The following BNC2 variants were observed in gnomAD, a reference collection of about 807,000 sequenced individuals.
BNC2 encodes basonuclin zinc finger protein 2, also known as zinc finger protein basonuclin-2.
A neutral mutation model predicts 76.3 loss-of-function variants in BNC2; 20 were observed. That is an observed-to-expected ratio of 0.26 (90% CI 0.18 to 0.38). BNC2 has a LOEUF of 0.38. Ranked by LOEUF, BNC2 falls within the 10% of genes least tolerant of loss-of-function variation. BNC2 has a pLI of 1.00. For missense variants in BNC2, 1,382 were observed against 1,399.8 expected, an observed-to-expected ratio of 0.99 and a Z score of 0.20; for synonymous variants, 582 against 514.8, an observed-to-expected ratio of 1.13 and a Z score of -1.77.
chr9:16,862,537 C>CT (rs1378835782), intron 1 of BNC2, among the ~76,000 whole-genome samples: 1 of 152,194 alleles, frequency 6.6e-6, no homozygotes, highest in African/African-American at 2.4e-5. Context: ...TTCTGAGTCT[C>CT]TAACAGGCAA....
At chr9:16,588,483 T>G (rs932474909) in intron 3 of BNC2, among the ~76,000 whole-genome samples, 1 of 152,194 alleles carries the variant, frequency 6.6e-6, no homozygotes, top group Non-Finnish European at 1.5e-5. Flanking sequence ...ACACGGCTCT[T>G]AAATGATCTA....
At chr9:16,472,903 T>C (rs1466181415) in intron 5 of BNC2, among the ~76,000 whole-genome samples, 8 of 152,178 alleles carry the variant, frequency 5.3e-5, no homozygotes, top group African/African-American at 1.9e-4. Flanking sequence ...AATGTGTAAC[T>C]GGTACAGAAG....
chr9:16,573,862 T>C (rs1819405959), intron 4 of BNC2, among the ~76,000 whole-genome samples: 1 of 152,182 alleles, frequency 6.6e-6, no homozygotes. Context: ...TATAAACATC[T>C]ACAAAGGCAA....
chr9:16,541,267 G>A (rs966837694), intron 5 of BNC2, among the ~76,000 whole-genome samples: 1 of 152,168 alleles, frequency 6.6e-6, no homozygotes, highest in Non-Finnish European at 1.5e-5. Flanking sequence ...AGCACTGCAA[G>A]AAAGGAAAGG....
chr9:16,479,049 C>A (rs780192215), intron 5 of BNC2, among the ~76,000 whole-genome samples: 1 of 151,988 alleles, frequency 6.6e-6, no homozygotes, highest in Non-Finnish European at 1.5e-5. Flanking sequence ...ATCAGGAGTT[C>A]GAGACCAGCC....
rs140248563 is a variant in BNC2, at chr9:16,866,483, G to A, written c.3+4163C>T. On this transcript the variant is annotated intron_variant, in intron 1 of 6. Transcript: ENST00000380672. The stretch of plus-strand genomic sequence containing the variant: ...ACTCTGAAGACTGGCCTCCTAAAAC[G>A]AGAGTAACTCCCTCAGTTGACAAAA... Among the ~76,000 whole-genome samples the A allele has an allele frequency of 3.6e-3, 545 of 151,856 alleles. 3 individuals carry two copies. The highest frequency in any genetic ancestry group is 0.012 in the African/African-American group (513 of 41,446).
intron 6 of BNC2, chr9:16,429,601 C>A (rs1587014981): frequency 5.3e-6 from 1 of 189,296 alleles, no homozygotes; most frequent in Non-Finnish European, 1.1e-5. Flanking sequence ...ATAATGCTGG[C>A]AAGAACAGTA....
intron 1 of BNC2, among the ~76,000 whole-genome samples, chr9:16,791,064 T>C (rs1360554409): frequency 2.1e-5 from 3 of 144,144 alleles, no homozygotes; most frequent in Non-Finnish European, 3.0e-5. Flanking sequence ...CAATTATAGA[T>C]TTTTTTTTTT....
At chr9:16,514,744 T>C (rs540309709) in intron 5 of BNC2, among the ~76,000 whole-genome samples, 4 of 152,310 alleles carry the variant, frequency 2.6e-5, no homozygotes, top group Admixed American at 1.3e-4. Flanking sequence ...CAGGAACTGT[T>C]GTTAGCAAGG....
intron 1 of BNC2, among the ~76,000 whole-genome samples, chr9:16,794,928 C>T (rs994746700): frequency 1.3e-5 from 2 of 152,090 alleles, no homozygotes; most frequent in African/African-American, 2.4e-5. Flanking sequence ...AAGATATATT[C>T]CTATATTTGG....
intron 3 of BNC2, among the ~76,000 whole-genome samples, chr9:16,721,840 G>C (rs949051277): frequency 6.6e-6 from 1 of 152,118 alleles, no homozygotes; most frequent in Admixed American, 6.6e-5. Flanking sequence ...TTCCTAGATC[G>C]ATTCAAACAC....
Position 16,437,212 on chromosome 9 carries a change from T to C in BNC2, c.982A>G (p.Ile328Val), listed in dbSNP as rs201353309. 55 of 1,614,054 alleles carry C rather than the reference T, an allele frequency of 3.4e-5. No individual in the cohort carries two copies. The highest frequency in any genetic ancestry group is 3.3e-4 in the Middle Eastern group (2 of 6,084). The change falls in exon 6 of 7, where the codon ATA becomes GTA. Residue 328 changes from isoleucine (I) to valine (V), a missense_variant. By Grantham distance (29) the Ile-to-Val change is conservative. Around this residue, in one of 3 missense-constraint regions of BNC2, gnomAD observed 557 missense variants for 540.9 expected, o/e 1.03. Coordinates refer to ENST00000380672, the MANE Select transcript of BNC2 (RefSeq NM_017637.6). ...AGCAGTGGTGCTGAGACAGGGTTTA[T>C]GTACTGGAATGGAAGCAGAAATGCA... ...SLAFLLPFQYINPVSAPLLGL... is the reference protein window; with the variant it reads ...SLAFLLPFQYVNPVSAPLLGL...
At chr9:16,793,036 A>G (rs1439419302) in intron 1 of BNC2, among the ~76,000 whole-genome samples, 1 of 152,252 alleles carries the variant, frequency 6.6e-6, no homozygotes, top group Non-Finnish European at 1.5e-5. Context: ...CCTAATTATA[A>G]TTCATCTTAG....
chr9:16,663,565 T>C (rs761692379), intron 3 of BNC2, among the ~76,000 whole-genome samples: 1 of 152,216 alleles, frequency 6.6e-6, no homozygotes, highest in Non-Finnish European at 1.5e-5. Context: ...ATGATATTCT[T>C]GGTACTAATA....
At chr9:16,753,792 C>G (rs1156756752) in intron 1 of BNC2, among the ~76,000 whole-genome samples, 1 of 152,194 alleles carries the variant, frequency 6.6e-6, no homozygotes, top group Admixed American at 6.5e-5. Flanking sequence ...GAACACCATC[C>G]TACTTCAAAA....
intron 3 of BNC2, among the ~76,000 whole-genome samples, chr9:16,702,164 G>A (rs1563906072): frequency 6.6e-6 from 1 of 152,110 alleles, no homozygotes; most frequent in Non-Finnish European, 1.5e-5. Flanking sequence ...GACTGCTGCT[G>A]TTTTGTTTAA....
intron 3 of BNC2, among the ~76,000 whole-genome samples, chr9:16,644,387 G>C (rs1821568559): frequency 6.6e-6 from 1 of 152,020 alleles, no homozygotes; most frequent in Admixed American, 6.6e-5. Context: ...TTCTCTCTTG[G>C]ATGGTATTGA....
At chr9:16,498,009 G>GTGTGTC (rs1554653644) in intron 5 of BNC2, among the ~76,000 whole-genome samples, 1 of 134,948 alleles carries the variant, frequency 7.4e-6, no homozygotes, top group Non-Finnish European at 1.5e-5. Context: ...GTGTGTGTGT[G>GTGTGTC]TGTGTGTGTA....
At chr9:16,531,644 T>G (rs999012771) in intron 5 of BNC2, among the ~76,000 whole-genome samples, 16 of 152,094 alleles carry the variant, frequency 1.1e-4, no homozygotes, top group Non-Finnish European at 1.5e-5. Context: ...ACTCCGGCTG[T>G]GTTTATTTTA....
Sources: gnomAD v4.1 joint callset for allele counts (sites outside exome capture counted in the v4.1 genomes callset) on GRCh38, gnomAD v4.1.1 for gene constraint, gnomAD v4.1.1 regional missense constraint, MANE v1.5 for transcripts, NCBI Gene and HGNC (gene_info 2026-07-23, HGNC 2026-07-21) for gene names.